Variants in USP26 observed in about 807,000 individuals in gnomAD.
The protein encoded by USP26 is ubiquitin carboxyl-terminal hydrolase 26.
For synonymous variants in USP26, 236 were observed against 240.6 expected (o/e 0.98, Z 0.18); for missense variants, 649 against 642.3 (o/e 1.01, Z -0.11).
At chrX:133,069,043 G>A (rs112198179) in intron 5 of USP26, among the ~76,000 whole-genome samples, 3,347 of 111,000 alleles carry the variant, frequency 0.03, 75 homozygotes, top group East Asian at 0.1. Context: ...TTTTTTAATG[G>A]CTCATTTAAT....
intron 5 of USP26, among the ~76,000 whole-genome samples, chrX:133,073,961 G>GA (rs1386996965): frequency 9.0e-6 from 1 of 110,579 alleles, no homozygotes; most frequent in Non-Finnish European, 1.9e-5. Flanking sequence ...TCCTCCATCT[G>GA]AAAAAAAGAG....
At chrX:133,029,793 T>A in intron 5 of USP26, among the ~76,000 whole-genome samples, 1 of 111,721 alleles carries the variant, frequency 9.0e-6, no homozygotes, top group Non-Finnish European at 1.9e-5. Flanking sequence ...CCCTCAAAAA[T>A]ACAGTTAAGA....
Position 133,027,107 on chromosome X carries a change from C to T in USP26, c.1114G>A (p.Ala372Thr). 3 of 1,210,370 alleles carry T rather than the reference C, an allele frequency of 2.5e-6. No individual in the cohort carries two copies. Among genetic ancestry groups the T allele is most frequent in the Non-Finnish European group, 3.4e-6 (3 of 894,364 alleles). The change falls in exon 6 of 6, where the codon GCA (alanine) becomes ACA (threonine). Residue 372 changes from alanine to threonine, a missense_variant. Ala to Thr is a moderately conservative substitution (Grantham distance 58, BLOSUM62 0). Transcript: ENST00000511190. The stretch of plus-strand genomic sequence containing the variant: ...TGTGCATTGCCATGGAATATCTCTG[C>T]AGCTGCTGAAATGGCCTTTTTAAGA... ...LNLKKAISAAAEIFHGNAQND... is the reference protein window; with the variant it reads ...LNLKKAISAATEIFHGNAQND...
At chrX:133,057,598 A>G (rs950790793) in intron 5 of USP26, among the ~76,000 whole-genome samples, 7 of 108,799 alleles carry the variant, frequency 6.4e-5, no homozygotes, top group Non-Finnish European at 1.1e-4. Flanking sequence ...CTTCTTTTCT[A>G]GTATACGTAT....
At chrX:133,084,830 T>C (rs937770831) in intron 4 of USP26, among the ~76,000 whole-genome samples, 1 of 111,622 alleles carries the variant, frequency 9.0e-6, no homozygotes, top group Non-Finnish European at 1.9e-5. Context: ...GAGATTTGGG[T>C]GCACCCAACT....
chrX:133,073,824 C>T (rs896336952), intron 5 of USP26, among the ~76,000 whole-genome samples: 4 of 111,500 alleles, frequency 3.6e-5, no homozygotes, highest in African/African-American at 1.3e-4. Context: ...AGTTGCATGA[C>T]ATTTCTTCCT....
chrX:133,077,585 G>T (rs2067553950), intron 5 of USP26, among the ~76,000 whole-genome samples: 2 of 111,846 alleles, frequency 1.8e-5, no homozygotes, highest in South Asian at 7.6e-4. Flanking sequence ...TTCTAGTGTT[G>T]CACTCAGCAT....
At chrX:133,093,980 CAAAAAAAAAAAAA>C (rs11327414) in intron 1 of USP26, among the ~76,000 whole-genome samples, 1 of 24,938 alleles carries the variant, frequency 4.0e-5, no homozygotes, top group Admixed American at 6.8e-4. Flanking sequence ...GACCCTGTCT[CAAAAAAAAAAAAA>C]AAAAAAAAAA....
intron 5 of USP26, among the ~76,000 whole-genome samples, chrX:133,047,082 ACT>A (rs1020391725): frequency 9.0e-6 from 1 of 111,339 alleles, no homozygotes; most frequent in Non-Finnish European, 1.9e-5. Flanking sequence ...TCAACCAATG[ACT>A]CTGCTTTCAT....
At chrX:133,029,674 C>T (rs896459840) in intron 5 of USP26, among the ~76,000 whole-genome samples, 3 of 111,863 alleles carry the variant, frequency 2.7e-5, no homozygotes, top group Non-Finnish European at 5.6e-5. Flanking sequence ...CCACTTGCAG[C>T]TTATTTTAAA....
In USP26 at chrX:133,026,942, T is replaced by C. The variant is rs770581836; in HGVS notation, c.1279A>G (p.Thr427Ala). ...PKQVFADDPDTSGFSCPVITN... is the reference protein window; with the variant it reads ...PKQVFADDPDASGFSCPVITN... ...ATGACAGGGCAAGAAAACCCACTGG[T>C]GTCAGGATCATCAGCAAAAACCTGT... is the stretch of plus-strand genomic sequence containing the variant. Residue 427 changes from threonine to alanine, a missense_variant, in exon 6 of 6, where the codon ACC (threonine) becomes GCC (alanine). Transcript: ENST00000511190. The C allele has an allele frequency of 1.7e-6, 2 of 1,211,247 alleles. No homozygotes were observed. The highest frequency in any genetic ancestry group is 4.4e-5 in the Admixed American group (2 of 45,954).
intron 5 of USP26, among the ~76,000 whole-genome samples, chrX:133,057,860 A>ATATATATATATATATATATATATT (rs2067480723): frequency 5.2e-5 from 1 of 19,251 alleles, no homozygotes; most frequent in East Asian, 1.1e-3. Flanking sequence ...ATATATATAT[A>ATATATATATATATATATATATATT]TATATATTTT....
intron 5 of USP26, among the ~76,000 whole-genome samples, chrX:133,064,354 G>A (rs2067504336): frequency 9.0e-6 from 1 of 111,686 alleles, no homozygotes; most frequent in African/African-American, 3.3e-5. Context: ...TTCAGGACTT[G>A]AAGTCAACTC....
chrX:133,054,290 C>G (rs12690398), intron 5 of USP26, among the ~76,000 whole-genome samples: 1 of 111,011 alleles, frequency 9.0e-6, no homozygotes, highest in African/African-American at 3.3e-5. Context: ...GGTCTTACAG[C>G]TCCAATTAAT....
chrX:133,073,185 A>T (rs367779743), intron 5 of USP26, among the ~76,000 whole-genome samples: 1 of 110,271 alleles, frequency 9.1e-6, no homozygotes, highest in Non-Finnish European at 1.9e-5. Context: ...TTGGCTTTGT[A>T]CTTCACTCTC....
rs758832649 is a variant in USP26 at position 133,074,964 on chromosome X, T to C, written c.-77+8743A>G. Among the ~76,000 whole-genome samples the C allele has an allele frequency of 8.0e-5, 9 of 112,087 alleles. No individual in the cohort carries two copies. In the East Asian group the frequency reaches 2.0e-3, roughly 24 times the overall value. On this transcript the variant is annotated intron_variant, in intron 5 of 5. Transcript: ENST00000511190. ...TAGTGTCACAGATGTAATAATCTAA[T>C]AAAGCCTCTGTACTCAGGGTCAAAT...
chrX:133,027,909 G>A lies in USP26; in HGVS notation c.312C>T (p.Asn104=), dbSNP rs142413133. Residue 104 remains asparagine, a synonymous_variant, in exon 6 of 6, where the codon AAC becomes AAT. Coordinates refer to ENST00000511190, the MANE Select transcript of USP26 (RefSeq NM_031907.3). ...LKIFLDRVHQ[N]EVQPPVRPGK... is the part of the protein sequence containing the mutation. ...CAGGTCTCACAGGTGGCTGAACCTCGTTTTGATGAACTCTGTCCAAGAATA... is the reference window on the plus strand; with the variant it reads ...CAGGTCTCACAGGTGGCTGAACCTCATTTTGATGAACTCTGTCCAAGAATA... The A allele has an allele frequency of 2.5e-4, 302 of 1,209,116 alleles. 1 individual carries two copies. The African/African-American group carries it at 3.1e-3, about 12-fold the overall frequency.
At chrX:133,046,710 C>G (rs1285757450) in intron 5 of USP26, among the ~76,000 whole-genome samples, 1 of 111,889 alleles carries the variant, frequency 8.9e-6, no homozygotes, top group African/African-American at 3.2e-5. Context: ...TTATTTGGAG[C>G]TTTGCAGCTC....
At position 133,027,625 on chromosome X, in the gene USP26, T is replaced by C. The variant is rs781304848; in HGVS notation, c.596A>G (p.Asn199Ser). 2 of 1,211,021 alleles carry C rather than the reference T, an allele frequency of 1.7e-6. No individual in the cohort carries two copies. The highest frequency in any genetic ancestry group is 1.8e-5 in the South Asian group (1 of 56,911). The stretch of plus-strand genomic sequence containing the variant: ...CTTGGATTTCTTGTATTCTACAGAA[T>C]TATTTTCTTTCAAGAATTCCTCATT... ...EMNEEFLKEN[N>S]SVEYKKSKAD... The change falls in exon 6 of 6, where the codon AAT becomes AGT. Residue 199 changes from asparagine to serine, a missense_variant. Physicochemically the swap from Asn to Ser is conservative, Grantham distance 46. Coordinates refer to ENST00000511190, the MANE Select transcript of USP26 (RefSeq NM_031907.3).
Sources: allele counts gnomAD v4.1 joint callset (sites outside exome capture counted in the v4.1 genomes callset), GRCh38; gene constraint gnomAD v4.1.1; transcripts MANE v1.5; gene names NCBI Gene and HGNC (gene_info 2026-07-23, HGNC 2026-07-21).